Variants in SHLD2 observed in about 807,000 individuals in gnomAD.
The protein encoded by SHLD2 is shieldin complex subunit 2.
Under a neutral mutation model 73.2 loss-of-function variants are expected in SHLD2, and 30 were observed. The ratio of observed to expected loss-of-function variants is 0.41; its 90% CI spans 0.31 to 0.56. The LOEUF (loss-of-function observed/expected upper bound fraction) is 0.56, where lower values mean the gene tolerates loss of function less well. Ranked by LOEUF, SHLD2 falls within the 20% of genes least tolerant of loss-of-function variation. The probability of loss-of-function intolerance (pLI) is 0.28; values close to 1 mark genes in which losing one functional copy is unlikely to be tolerated. For missense variants in SHLD2, 745 were observed against 1,055.9 expected (o/e 0.71, Z 4.08); for synonymous variants, 285 against 370.1 (o/e 0.77, Z 2.64).
chr10:87,187,735 G>A (rs1848704087), intron 9 of SHLD2, among the ~76,000 whole-genome samples: 1 of 151,996 alleles, frequency 6.6e-6, no homozygotes, highest in Non-Finnish European at 1.5e-5. Context: ...TTTAGTTGGG[G>A]GTGTCTAGTA....
At chr10:87,094,729 G>T (rs780675980), upstream of SHLD2, 1 of 1,522,552 alleles carries the variant, frequency 6.6e-7, no homozygotes, top group Admixed American at 2.0e-5. The surrounding 1 kb of genome is among the most constrained non-coding windows in gnomAD (Gnocchi z 6.6). Flanking sequence ...AGCGGGCCCG[G>T]CCCGGGACAG....
At chr10:87,154,795 TAAAG>T (rs1846280857) in intron 3 of SHLD2, among the ~76,000 whole-genome samples, 1 of 152,154 alleles carries the variant, frequency 6.6e-6, no homozygotes, top group African/African-American at 2.4e-5. Context: ...ATAAAATATC[TAAAG>T]AAAGAATGTG....
intron 7 of SHLD2, among the ~76,000 whole-genome samples, chr10:87,178,897 CA>C (rs1169335367): frequency 6.6e-6 from 1 of 152,082 alleles, no homozygotes; most frequent in African/African-American, 2.4e-5. Flanking sequence ...AAGACTAAAG[CA>C]AATGAAGTTA....
intron 2 of SHLD2, among the ~76,000 whole-genome samples, chr10:87,138,392 T>C (rs922912172): frequency 4.7e-5 from 7 of 148,856 alleles, no homozygotes; most frequent in African/African-American, 1.7e-4. Context: ...AAAAACAACC[T>C]GTTAACCTAG....
chr10:87,101,901 G>A (rs996082539), intron 2 of SHLD2, among the ~76,000 whole-genome samples: 2 of 151,912 alleles, frequency 1.3e-5, no homozygotes, highest in African/African-American at 4.8e-5. Context: ...GCGACAGAAC[G>A]GTTTTTGTAT....
intron 9 of SHLD2, among the ~76,000 whole-genome samples, chr10:87,188,796 T>A (rs1848805719): frequency 6.6e-6 from 1 of 152,250 alleles, no homozygotes; most frequent in African/African-American, 2.4e-5. Flanking sequence ...TTGGTTCTCA[T>A]GTGTATTCAA....
At chr10:87,120,627 T>C (rs1843552913) in intron 2 of SHLD2, among the ~76,000 whole-genome samples, 1 of 152,220 alleles carries the variant, frequency 6.6e-6, no homozygotes, top group Non-Finnish European at 1.5e-5. Context: ...TCCAGACATC[T>C]CACTGCATTT....
At chr10:87,158,627 C>G (rs1380350608) in intron 4 of SHLD2, among the ~76,000 whole-genome samples, 1 of 152,056 alleles carries the variant, frequency 6.6e-6, no homozygotes, top group Non-Finnish European at 1.5e-5. Context: ...AATCCTTATT[C>G]TCCTGTCTAC....
chr10:87,131,650 T>A, intron 2 of SHLD2, among the ~76,000 whole-genome samples: 1 of 152,208 alleles, frequency 6.6e-6, no homozygotes, highest in African/African-American at 2.4e-5. Flanking sequence ...TTTCTGGCTA[T>A]TGTAAATAGT....
chr10:87,128,339 A>T (rs1183272498), intron 2 of SHLD2, among the ~76,000 whole-genome samples: 4 of 152,170 alleles, frequency 2.6e-5, no homozygotes, highest in Non-Finnish European at 5.9e-5. Flanking sequence ...AGTTGTCCAA[A>T]TTTCCCATTT....
intron 2 of SHLD2, among the ~76,000 whole-genome samples, chr10:87,098,965 G>A (rs933429678): frequency 3.3e-5 from 5 of 152,076 alleles, no homozygotes; most frequent in African/African-American, 4.8e-5. Context: ...TGGTAGAGGT[G>A]GGGTTTCACT....
intron 2 of SHLD2, among the ~76,000 whole-genome samples, chr10:87,118,582 C>T (rs1326931745): frequency 6.9e-6 from 1 of 144,932 alleles, no homozygotes; most frequent in African/African-American, 2.6e-5. Context: ...ATCCAAATAG[C>T]TATTTCACTT....
At chr10:87,141,515 T>A (rs1845196589) in intron 2 of SHLD2, among the ~76,000 whole-genome samples, 1 of 152,068 alleles carries the variant, frequency 6.6e-6, no homozygotes. Flanking sequence ...CTAATTTTCA[T>A]ATTTTTAGTC....
At chr10:87,189,234 C>A (rs1589687950) in intron 9 of SHLD2, among the ~76,000 whole-genome samples, 1 of 152,350 alleles carries the variant, frequency 6.6e-6, no homozygotes, top group East Asian at 1.9e-4. Context: ...CTCCCAACCT[C>A]AGGTGATCTG....
At chr10:87,112,726 A>AC (rs1368336319) in intron 2 of SHLD2, among the ~76,000 whole-genome samples, 21 of 150,942 alleles carry the variant, frequency 1.4e-4, no homozygotes, top group African/African-American at 2.7e-4. Flanking sequence ...AAAAAAAAAA[A>AC]AACCCAAAAA....
chr10:87,142,922 CTTT>C (rs71269253), intron 2 of SHLD2, among the ~76,000 whole-genome samples: 1 of 83,198 alleles, frequency 1.2e-5, no homozygotes. Flanking sequence ...TTTATTTTTA[CTTT>C]TTTTTTTTTT....
intron 2 of SHLD2, among the ~76,000 whole-genome samples, chr10:87,120,620 A>G (rs1167652980): frequency 2.0e-5 from 3 of 152,178 alleles, no homozygotes; most frequent in Admixed American, 2.0e-4. Context: ...TGTTTCTTCC[A>G]GACATCTCAC....
In SHLD2 at chr10:87,188,979, A is replaced by G. The variant is rs1848824182; in HGVS notation, c.2516-1505A>G. On this transcript the variant is annotated intron_variant, in intron 9 of 9. Coordinates refer to ENST00000298786, the MANE Select transcript of SHLD2 (RefSeq NM_001330112.2). ...TTCATTCCTTTTCTTAATGTTACTT[A>G]TATATTTTCAGTGTAATCTCTTCTT... Among the ~76,000 whole-genome samples, 3 of 143,728 alleles carry G rather than the reference A, an allele frequency of 2.1e-5. No individual in the cohort carries two copies. In the South Asian group the frequency reaches 6.6e-4, roughly 32 times the overall value. The allele number at this position is 143,728 out of a possible 152,430, so 94.3% of individuals were successfully genotyped here.
chr10:87,190,511 T>A lies in SHLD2; in HGVS notation c.2543T>A (p.Met848Lys). The change falls in exon 10 of 10, where the codon ATG becomes AAG. Residue 848 changes from methionine (M) to lysine (K), a missense_variant. Around this residue, in one of 5 missense-constraint regions of SHLD2, gnomAD observed 418 missense variants for 567.8 expected, o/e 0.74. Coordinates refer to ENST00000298786, the MANE Select transcript of SHLD2 (RefSeq NM_001330112.2). ...CCTTCCTCAGAGATCACCTATGGGATGGTCGTGGCAGACCTGTTCCACTCC... is the reference window on the plus strand; with the variant it reads ...CCTTCCTCAGAGATCACCTATGGGAAGGTCGTGGCAGACCTGTTCCACTCC... Reference protein sequence around the residue: ...IVPSSEITYGMVVADLFHSLL... With the variant: ...IVPSSEITYGKVVADLFHSLL... 6.2e-7 allele frequency: 1 copy of A among 1,612,016 alleles called. No individual in the cohort carries two copies. The highest frequency in any genetic ancestry group is 8.5e-7 in the Non-Finnish European group (1 of 1,179,842).
Sources: gnomAD v4.1 joint callset for allele counts (sites outside exome capture counted in the v4.1 genomes callset) on GRCh38, gnomAD v4.1.1 for gene constraint, gnomAD v4.1.1 regional missense constraint, Gnocchi (gnomAD v3.1) non-coding constraint, MANE v1.5 for transcripts, NCBI Gene and HGNC (gene_info 2026-07-23, HGNC 2026-07-21) for gene names.